SORCS1: variants seen among roughly 807,000 people sequenced by gnomAD.
SORCS1 encodes VPS10 domain-containing receptor SorCS1.
A neutral mutation model predicts 146.1 loss-of-function variants in SORCS1; 60 were observed. The ratio of observed to expected loss-of-function variants is 0.41; its 90% CI spans 0.33 to 0.51. The LOEUF (loss-of-function observed/expected upper bound fraction) is 0.51. SORCS1 is among the 20% of genes least tolerant of loss of function. SORCS1 has a pLI of 0.21. For synonymous variants in SORCS1, 637 were observed against 584.0 expected (o/e 1.09, Z -1.31); for missense variants, 1,352 against 1,487.6 (o/e 0.91, Z 1.50).
rs2133169351 is a variant in SORCS1, at chr10:106,574,995, T to C, written c.*2425A>G. The C allele has an allele frequency of 6.5e-6, 1 of 152,764 alleles. No individual in the cohort carries two copies. The highest frequency in any genetic ancestry group is 2.1e-4 in the South Asian group (1 of 4,830). The allele number at this position is 152,764 out of a possible 1,614,324, so 9.5% of individuals were successfully genotyped here. A position where few individuals can be genotyped will look rare whatever the true frequency, so the allele number is the denominator to read the frequency against. ...ACAAATAGTTTTCATACTACTACTC[T>C]AGGCAAGGCACTGTGCTAGAATAAG... On this transcript the variant is annotated 3_prime_UTR_variant, in exon 26 of 26. Coordinates refer to ENST00000263054, the MANE Select transcript of SORCS1 (RefSeq NM_052918.5).
At chr10:106,615,985 C>G (rs2145912) in intron 21 of SORCS1, among the ~76,000 whole-genome samples, 148,452 of 152,236 alleles carry the variant, frequency 0.98, 72,468 homozygotes, top group East Asian at 1. Context: ...TAAATCTGAG[C>G]AGATTTAATA....
At chr10:107,147,498 C>G (rs2134777593) in intron 1 of SORCS1, among the ~76,000 whole-genome samples, 1 of 152,286 alleles carries the variant, frequency 6.6e-6, no homozygotes, top group African/African-American at 2.4e-5. Flanking sequence ...TTCTTTCTCT[C>G]TCTCTCTGTC....
At chr10:106,599,837 T>C (rs2133334647) in intron 23 of SORCS1, among the ~76,000 whole-genome samples, 1 of 151,996 alleles carries the variant, frequency 6.6e-6, no homozygotes, top group Non-Finnish European at 1.5e-5. Flanking sequence ...AATGGCGCGA[T>C]CTCGGCTCAC....
At chr10:107,163,302 A>T (rs749294813) in intron 1 of SORCS1, among the ~76,000 whole-genome samples, 1 of 152,230 alleles carries the variant, frequency 6.6e-6, no homozygotes, top group Non-Finnish European at 1.5e-5. Flanking sequence ...ACCATGCCAG[A>T]GAACAACCGC....
chr10:106,754,294 T>C (rs1858475215), intron 5 of SORCS1, among the ~76,000 whole-genome samples: 1 of 152,190 alleles, frequency 6.6e-6, no homozygotes, highest in African/African-American at 2.4e-5. Context: ...TGCAAAGAGA[T>C]ATTTTGCCCA....
At chr10:106,937,263 A>G (rs1342517466) in intron 2 of SORCS1, among the ~76,000 whole-genome samples, 1 of 150,266 alleles carries the variant, frequency 6.7e-6, no homozygotes, top group Non-Finnish European at 1.5e-5. Flanking sequence ...TCCGCCTCCC[A>G]GGTTCAAGCA....
chr10:106,718,012 C>G (rs1005596911), intron 6 of SORCS1, among the ~76,000 whole-genome samples: 4 of 152,120 alleles, frequency 2.6e-5, no homozygotes, highest in Admixed American at 6.5e-5. Flanking sequence ...ACTATTCAGA[C>G]TATGTTATAG....
intron 4 of SORCS1, among the ~76,000 whole-genome samples, chr10:106,769,153 A>G (rs568018385): frequency 2.0e-5 from 3 of 152,300 alleles, no homozygotes; most frequent in East Asian, 3.9e-4. Context: ...AGCAGCCATG[A>G]TAAGTATTGC....
At chr10:107,128,404 G>A (rs1966828558) in intron 1 of SORCS1, among the ~76,000 whole-genome samples, 1 of 152,186 alleles carries the variant, frequency 6.6e-6, no homozygotes, top group East Asian at 1.9e-4. Context: ...TGGGCAAGGA[G>A]GAAAGGCAGA....
At chr10:107,056,377 C>T (rs545004012) in intron 1 of SORCS1, among the ~76,000 whole-genome samples, 5 of 152,274 alleles carry the variant, frequency 3.3e-5, no homozygotes, top group Admixed American at 1.3e-4. Context: ...TGCAGGGTGA[C>T]GCAGAAGGAG....
chr10:107,000,782 G>A (rs1200019787), intron 1 of SORCS1, among the ~76,000 whole-genome samples: 2 of 151,962 alleles, frequency 1.3e-5, no homozygotes, highest in African/African-American at 4.8e-5. Context: ...TCAACATATG[G>A]GCTCAAATAA....
chr10:107,045,600 T>C (rs1959305806), intron 1 of SORCS1, among the ~76,000 whole-genome samples: 1 of 152,142 alleles, frequency 6.6e-6, no homozygotes, highest in South Asian at 2.1e-4. Flanking sequence ...AACCTATCCA[T>C]TAGGCAGAGT....
chr10:106,917,153 A>T lies in SORCS1; in HGVS notation c.626+39360T>A, dbSNP rs563656087. On this transcript the variant is annotated intron_variant, in intron 2 of 25. Coordinates refer to ENST00000263054, the MANE Select transcript of SORCS1 (RefSeq NM_052918.5). Reference sequence around the variant, plus strand: ...TTCCCAGACCATCCAATCTAACAAAACTCCTGTATAATCTCTCTCAGGGCA... The same window carrying T: ...TTCCCAGACCATCCAATCTAACAAATCTCCTGTATAATCTCTCTCAGGGCA... Among the ~76,000 whole-genome samples, 19 of 151,862 alleles carry T rather than the reference A, an allele frequency of 1.3e-4. No homozygotes were observed. In the South Asian group the frequency reaches 3.6e-3, roughly 28 times the overall value.
Position 106,789,617 on chromosome 10 carries a change from C to T in SORCS1, c.727-12925G>A, listed in dbSNP as rs534305883. 3.3e-5 allele frequency among the ~76,000 whole-genome samples: 5 copies of T among 152,318 alleles called. No individual in the cohort carries two copies. In the South Asian group the frequency reaches 1.0e-3, roughly 32 times the overall value. On this transcript the variant is annotated intron_variant, in intron 3 of 25. Coordinates refer to ENST00000263054, the MANE Select transcript of SORCS1 (RefSeq NM_052918.5). ...TCTGAAACCACCTCAGCCTGGACTT[C>T]ACTGTTTATATCACTAATCAGCATT...
rs1480837132 is a variant in SORCS1, at chr10:106,962,711, G to A, written c.559-6131C>T. 1.3e-5 allele frequency among the ~76,000 whole-genome samples: 2 copies of A among 152,144 alleles called. 1 individual carries two copies. The highest frequency in any genetic ancestry group is 2.9e-5 in the Non-Finnish European group (2 of 68,030). On this transcript the variant is annotated intron_variant, in intron 1 of 25. Coordinates refer to ENST00000263054, the MANE Select transcript of SORCS1 (RefSeq NM_052918.5). ...AGTGATTCAGGGATGGCATGGGCTG[G>A]TGCTTCGTGTAACACATGGGAAGAC...
chr10:106,954,740 T>C (rs1954852276), intron 2 of SORCS1, among the ~76,000 whole-genome samples: 1 of 152,072 alleles, frequency 6.6e-6, no homozygotes. Flanking sequence ...CGAGACCCAA[T>C]ATGTTTTTCT....
chr10:106,991,475 G>A (rs1259979115), intron 1 of SORCS1, among the ~76,000 whole-genome samples: 6 of 152,144 alleles, frequency 3.9e-5, no homozygotes, highest in Non-Finnish European at 1.5e-5. Flanking sequence ...CAATTATAGT[G>A]GGCAATTCTT....
chr10:107,042,465 T>C (rs1721167938), intron 1 of SORCS1, among the ~76,000 whole-genome samples: 1 of 152,180 alleles, frequency 6.6e-6, no homozygotes. Flanking sequence ...ATCTGTTGGG[T>C]AGTGACTACT....
intron 17 of SORCS1, among the ~76,000 whole-genome samples, chr10:106,657,305 G>T (rs986270549): frequency 1.1e-4 from 17 of 152,124 alleles, no homozygotes; most frequent in Admixed American, 6.5e-5. Context: ...GTCTTTTGCA[G>T]CAACTTGGAT....
Sources: allele counts gnomAD v4.1 joint callset (sites outside exome capture counted in the v4.1 genomes callset), GRCh38; gene constraint gnomAD v4.1.1; transcripts MANE v1.5; gene names NCBI Gene and HGNC (gene_info 2026-07-23, HGNC 2026-07-21).